The following ADGB variants were observed in gnomAD, a reference collection of about 807,000 sequenced individuals.
ADGB encodes the protein calpain-7-like protein.
A neutral mutation model predicts 210.5 loss-of-function variants in ADGB; 172 were observed. The observed-to-expected ratio is 0.82, with a 90% CI of 0.72 to 0.93. The LOEUF (loss-of-function observed/expected upper bound fraction) is 0.93, where lower values mean the gene tolerates loss of function less well. Among genes scored for constraint, ADGB ranks in the 40% least tolerant of loss-of-function variants. The probability of loss-of-function intolerance (pLI) is 0.00; values close to 1 mark genes in which losing one functional copy is unlikely to be tolerated. For missense variants in ADGB, 2,025 were observed against 1,964.8 expected, an observed-to-expected ratio of 1.03 and a Z score of -0.58; for synonymous variants, 658 against 662.7, an observed-to-expected ratio of 0.99 and a Z score of 0.11.
chr6:146,762,100 A>G (rs1300221057), intron 27 of ADGB, among the ~76,000 whole-genome samples: 2 of 152,178 alleles, frequency 1.3e-5, no homozygotes, highest in Middle Eastern at 3.4e-3. Context: ...TAGAACTGCA[A>G]ACACCCTTAT....
At chr6:146,690,353 G>T (rs564346957) in intron 10 of ADGB, among the ~76,000 whole-genome samples, 15 of 152,284 alleles carry the variant, frequency 9.9e-5, no homozygotes, top group African/African-American at 3.6e-4. Flanking sequence ...GGTCAAAATT[G>T]ATTTTAATGT....
intron 12 of ADGB, among the ~76,000 whole-genome samples, chr6:146,699,110 C>T (rs1364817478): frequency 6.6e-6 from 1 of 151,918 alleles, no homozygotes; most frequent in Non-Finnish European, 1.5e-5. Context: ...TGAATTAATG[C>T]GGAATATAGA....
chr6:146,743,024 C>T (rs1166908734), intron 25 of ADGB, among the ~76,000 whole-genome samples: 1 of 152,140 alleles, frequency 6.6e-6, no homozygotes, highest in African/African-American at 2.4e-5. Flanking sequence ...CAGCAGAATG[C>T]CTTGGGTTAA....
At chr6:146,698,116 T>C (rs1214286443) in intron 12 of ADGB, among the ~76,000 whole-genome samples, 1 of 152,212 alleles carries the variant, frequency 6.6e-6, no homozygotes, top group Non-Finnish European at 1.5e-5. Flanking sequence ...GTGACATGCT[T>C]CTGGCAGGGT....
intron 13 of ADGB, among the ~76,000 whole-genome samples, chr6:146,713,393 A>G (rs1463691970): frequency 6.6e-6 from 1 of 150,858 alleles, no homozygotes; most frequent in Non-Finnish European, 1.5e-5. Context: ...ATCCTTACCA[A>G]CATTTATTAT....
At chr6:146,607,945 C>T (rs1312096954) in intron 1 of ADGB, among the ~76,000 whole-genome samples, 1 of 152,040 alleles carries the variant, frequency 6.6e-6, no homozygotes, top group Admixed American at 6.6e-5. Flanking sequence ...TCCCTCCCCT[C>T]GATGTGTTGG....
At chr6:146,676,940 G>A (rs377370931) in intron 9 of ADGB, among the ~76,000 whole-genome samples, 8 of 152,048 alleles carry the variant, frequency 5.3e-5, no homozygotes, top group Admixed American at 1.3e-4. Flanking sequence ...TTTGTGTATC[G>A]CATTGTGACT....
intron 9 of ADGB, among the ~76,000 whole-genome samples, chr6:146,683,569 T>C (rs1776186225): frequency 6.6e-6 from 1 of 152,086 alleles, no homozygotes; most frequent in South Asian, 2.1e-4. Context: ...TACAATCCCA[T>C]GTAAAATGTG....
intron 33 of ADGB, among the ~76,000 whole-genome samples, chr6:146,796,359 T>C (rs1292295206): frequency 6.6e-6 from 1 of 152,138 alleles, no homozygotes; most frequent in Non-Finnish European, 1.5e-5. Flanking sequence ...AAAATTCATT[T>C]GGAACCAAAA....
chr6:146,715,449 T>C (rs772259670), intron 14 of ADGB, 34 bp downstream of exon 14: 9 of 1,447,646 alleles, frequency 6.2e-6, no homozygotes, highest in African/African-American at 2.9e-5. Flanking sequence ...CTTTTTTCAA[T>C]GTACATCAAG....
intron 13 of ADGB, among the ~76,000 whole-genome samples, chr6:146,713,868 G>A (rs1243899593): frequency 2.6e-5 from 4 of 152,028 alleles, no homozygotes; most frequent in African/African-American, 9.7e-5. Context: ...TCTTCTAGGA[G>A]TTTTGTAGTT....
intron 1 of ADGB, among the ~76,000 whole-genome samples, chr6:146,612,609 C>G (rs1780727396): frequency 6.6e-6 from 1 of 152,186 alleles, no homozygotes; most frequent in Admixed American, 6.5e-5. Context: ...TAGGTAGAAC[C>G]ACTTGAGAAA....
chr6:146,618,893 A>G (rs1386855482), intron 1 of ADGB, among the ~76,000 whole-genome samples: 2 of 151,968 alleles, frequency 1.3e-5, no homozygotes, highest in African/African-American at 4.8e-5. Flanking sequence ...TGTAACTCCA[A>G]TGTTTCTTTG....
chr6:146,608,851 T>C (rs1044735996), intron 1 of ADGB, among the ~76,000 whole-genome samples: 1 of 152,188 alleles, frequency 6.6e-6, no homozygotes, highest in Non-Finnish European at 1.5e-5. Context: ...TCTGTTTTTA[T>C]TGGGAGAAGT....
rs116140590 is a variant in ADGB, at chr6:146,680,621, C to T, written c.1216+4180C>T. ...AAATATTTGGTAAAACTGGAACCTG[C>T]GACAATTTAGAAGTTAGCCATGTAC... On this transcript the variant is annotated intron_variant, in intron 9 of 35. Transcript: ENST00000397944. Among the ~76,000 whole-genome samples, 419 of 152,108 alleles carry T rather than the reference C, an allele frequency of 2.8e-3. 1 individual carries two copies. The highest frequency in any genetic ancestry group is 9.5e-3 in the African/African-American group (393 of 41,500).
chr6:146,776,739 C>A (rs905855802), intron 29 of ADGB, among the ~76,000 whole-genome samples: 1 of 152,040 alleles, frequency 6.6e-6, no homozygotes, highest in Admixed American at 6.6e-5. Context: ...TTTCAGCTGA[C>A]ATTTGTTAAG....
Position 146,656,982 on chromosome 6 carries a change from T to C in ADGB, c.612+2T>C. 6.5e-7 allele frequency: 1 copy of C among 1,547,756 alleles called. No homozygotes were observed. Among genetic ancestry groups the C allele is most frequent in the Non-Finnish European group, 8.7e-7 (1 of 1,143,794 alleles). On this transcript the variant is annotated splice_donor_variant, in intron 5 of 35. Transcript: ENST00000397944. LOFTEE classifies it high-confidence loss of function. ...TATGTTGTGAAACTTTACTGGATGGTAAGTCCATTTTCGTGTGCATAAAAA... is the reference window on the plus strand; with the variant it reads ...TATGTTGTGAAACTTTACTGGATGGCAAGTCCATTTTCGTGTGCATAAAAA...
chr6:146,614,001 A>T (rs1011630755), intron 1 of ADGB, among the ~76,000 whole-genome samples: 4 of 152,106 alleles, frequency 2.6e-5, no homozygotes, highest in African/African-American at 9.7e-5. Flanking sequence ...AGATATATAT[A>T]TAAAAATATG....
At chr6:146,803,137 C>A in intron 35 of ADGB, 2 of 1,484,426 alleles carry the variant, frequency 1.3e-6, no homozygotes, top group Non-Finnish European at 1.9e-6. Flanking sequence ...ACCACAACGC[C>A]AAGATCTTCT....
Sources: gnomAD v4.1 joint callset for allele counts (sites outside exome capture counted in the v4.1 genomes callset) on GRCh38, gnomAD v4.1.1 for gene constraint, MANE v1.5 for transcripts, NCBI Gene and HGNC (gene_info 2026-07-23, HGNC 2026-07-21) for gene names.